The following KDM4A variants were observed in gnomAD, a reference collection of about 807,000 sequenced individuals.
The protein encoded by KDM4A is lysine demethylase 4A.
Under a neutral mutation model 127.1 loss-of-function variants are expected in KDM4A, and 23 were observed. That is an observed-to-expected ratio of 0.18 (90% confidence interval 0.13 to 0.26). The LOEUF (loss-of-function observed/expected upper bound fraction) is 0.26, where lower values mean the gene tolerates loss of function less well. Among genes scored for constraint, KDM4A ranks in the 10% least tolerant of loss-of-function variants. The probability of loss-of-function intolerance (pLI) is 1.00; values close to 1 mark genes in which losing one functional copy is unlikely to be tolerated. For synonymous variants in KDM4A, 443 were observed against 466.5 expected (o/e 0.95, Z 0.65); for missense variants, 890 against 1,329.1 (o/e 0.67, Z 5.14).
Position 43,665,726 on chromosome 1 carries a change from G to A in KDM4A, c.654G>A (p.Arg218=), listed in dbSNP as rs1388780586. The A allele has an allele frequency of 3.1e-6, 5 of 1,614,016 alleles. No homozygotes were observed. The highest frequency in any genetic ancestry group is 4.2e-6 in the Non-Finnish European group (5 of 1,180,026). The change falls in exon 6 of 22, where the codon CGG becomes CGA. Residue 218 remains arginine, a synonymous_variant. Transcript: ENST00000372396. ...WYSVPPEHGK[R]LERLAKGFFP... ...CTGTTCCACCTGAGCATGGAAAGCG[G>A]TTGGAACGCCTCGCCAAAGGTACTG...
chr1:43,684,452 G>A (rs775996760), intron 12 of KDM4A, among the ~76,000 whole-genome samples: 30 of 152,148 alleles, frequency 2.0e-4, no homozygotes, highest in Non-Finnish European at 3.7e-4. Flanking sequence ...GCAGTGAGCC[G>A]AGATGGTGCC....
Position 43,694,523 on chromosome 1 carries a change from A to G in KDM4A, c.2485-186A>G, listed in dbSNP as rs2154048829. ...AGAGCAAGACTCCGTCTCAAAAAAA[A>G]AAAAAAAAAAATTTCCTTGGCAGAT... On this transcript the variant is annotated intron_variant, in intron 17 of 21. Transcript: ENST00000372396. The surrounding 1 kb of genome is among the most constrained non-coding windows in gnomAD (Gnocchi z 5.2). 6.6e-6 allele frequency among the ~76,000 whole-genome samples: 1 copy of G among 152,172 alleles called. No homozygotes were observed. Among genetic ancestry groups the G allele is most frequent in the East Asian group, 1.9e-4 (1 of 5,182 alleles).
intron 3 of KDM4A, among the ~76,000 whole-genome samples, chr1:43,660,059 T>C (rs1044716730): frequency 2.0e-5 from 3 of 152,184 alleles, no homozygotes; most frequent in Non-Finnish European, 2.9e-5. Flanking sequence ...GTTGTGCTTG[T>C]TAAGGAAGAC....
chr1:43,682,145 T>C (rs779526256), intron 11 of KDM4A, among the ~76,000 whole-genome samples: 5 of 152,168 alleles, frequency 3.3e-5, no homozygotes, highest in Non-Finnish European at 5.9e-5. Flanking sequence ...TTTTTGTGTG[T>C]GGAGACGGGG....
At chr1:43,656,731 CT>C (rs769635621) in intron 3 of KDM4A, among the ~76,000 whole-genome samples, 261 of 141,194 alleles carry the variant, frequency 1.8e-3, no homozygotes, top group Admixed American at 2.1e-3. Context: ...ACTACTCCAT[CT>C]TTTTTTTTTT....
chr1:43,663,533 C>CT (rs1176711108), intron 5 of KDM4A, among the ~76,000 whole-genome samples: 1 of 152,162 alleles, frequency 6.6e-6, no homozygotes, highest in African/African-American at 2.4e-5. Context: ...ATTCAGCATG[C>CT]TTCCTGTTCT....
chr1:43,665,567 A>T, intron 5 of KDM4A, 129 bp from the exon 6 acceptor site: 2 of 734,568 alleles, frequency 2.7e-6, no homozygotes. Context: ...ATTTTTTCAG[A>T]TTCCTTTCTA....
intron 11 of KDM4A, 45 bp from the exon 12 acceptor site, chr1:43,683,639 C>T (rs770725922): frequency 1.3e-6 from 2 of 1,597,132 alleles, no homozygotes; most frequent in Admixed American, 3.4e-5. Context: ...TGTGCTGTGT[C>T]TCAAGTGGAG....
chr1:43,655,452 G>C, intron 2 of KDM4A, 139 bp from the exon 3 acceptor site: 1 of 723,916 alleles, frequency 1.4e-6, no homozygotes, highest in Non-Finnish European at 2.2e-6. Flanking sequence ...GACTTACTGT[G>C]TTTTGGTGAA....
In KDM4A at chr1:43,669,142, T is replaced by G; in HGVS notation, c.1206T>G (p.Cys402Trp). The G allele has an allele frequency of 6.2e-7, 1 of 1,614,184 alleles. No homozygotes were observed. The change falls in exon 10 of 22, where the codon TGT becomes TGG. Residue 402 changes from cysteine (C) to tryptophan (W), a missense_variant. By Grantham distance (215) the Cys-to-Trp change is radical (BLOSUM62 -2). Around this residue, in one of 7 missense-constraint regions of KDM4A, gnomAD observed 389 missense variants for 485.9 expected, o/e 0.80. Coordinates refer to ENST00000372396, the MANE Select transcript of KDM4A (RefSeq NM_014663.3). ...TAGGGACAAAGAGGCACCGAGTTTG[T>G]CTTGAAATACCACAGGAGGTGAGTC... ...HRIGTKRHRV[C>W]LEIPQEVSQS...
chr1:43,704,136 A>C, intron 21 of KDM4A, 24 bp downstream of exon 21: 1 of 1,613,104 alleles, frequency 6.2e-7, no homozygotes, highest in Non-Finnish European at 8.5e-7. Flanking sequence ...GTGTCCCCCC[A>C]GTTCCTGTCT....
chr1:43,686,334 C>CCCCACAATATCCTTTAAT, intron 12 of KDM4A, among the ~76,000 whole-genome samples: 1 of 99,524 alleles, frequency 1.0e-5, no homozygotes, highest in Middle Eastern at 8.1e-3. Flanking sequence ...CCACGCCCAG[C>CCCCACAATATCCTTTAAT]CTTTTTTTTT....
In KDM4A at chr1:43,704,335, A is replaced by G. The variant is rs1661489337; in HGVS notation, c.3160A>G (p.Ile1054Val). The part of the protein sequence containing the change: ...VINSRYREDY[I>V]EPALYRAIME ...CAACTCAAGATACCGGGAAGATTAT[A>G]TTGAGCCTGCACTATACCGGGCCAT... Residue 1054 changes from isoleucine to valine, a missense_variant, in exon 22 of 22, where the codon ATT becomes GTT. By Grantham distance (29) the Ile-to-Val change is conservative (BLOSUM62 3). Around this residue, in one of 7 missense-constraint regions of KDM4A, gnomAD observed 246 missense variants for 418.4 expected, o/e 0.59. Coordinates refer to ENST00000372396, the MANE Select transcript of KDM4A (RefSeq NM_014663.3). 1.2e-6 allele frequency: 2 copies of G among 1,613,836 alleles called. No homozygotes were observed. Among genetic ancestry groups the G allele is most frequent in the South Asian group, 1.1e-5 (1 of 91,086 alleles).
chr1:43,701,688 G>A (rs1661399629), intron 19 of KDM4A, among the ~76,000 whole-genome samples: 1 of 152,072 alleles, frequency 6.6e-6, no homozygotes, highest in African/African-American at 2.4e-5. Context: ...GGTCTCCCCT[G>A]TGTTGCCCAG....
In KDM4A at chr1:43,667,768, A is replaced by T; in HGVS notation, c.916-4A>T. On this transcript the variant is annotated splice_region_variant and splice_polypyrimidine_tract_variant and intron_variant, in intron 8 of 21. Coordinates refer to ENST00000372396, the MANE Select transcript of KDM4A (RefSeq NM_014663.3). ...CCTGGTGCTCTTCTGGTTCCTGCTG[A>T]CAGTGCTCCTGTAGAAAGGACATGG... 6.2e-7 allele frequency: 1 copy of T among 1,614,154 alleles called. No homozygotes were observed. Among genetic ancestry groups the T allele is most frequent in the Non-Finnish European group, 8.5e-7 (1 of 1,180,014 alleles).
chr1:43,678,410 A>G (rs1381124488), intron 11 of KDM4A, among the ~76,000 whole-genome samples: 3 of 152,034 alleles, frequency 2.0e-5, no homozygotes, highest in Non-Finnish European at 2.9e-5. Flanking sequence ...AGAACAGTGT[A>G]TCCAGTGCCA....
chr1:43,651,907 G>C (rs1265491345), intron 1 of KDM4A, among the ~76,000 whole-genome samples: 1 of 152,238 alleles, frequency 6.6e-6, no homozygotes, highest in African/African-American at 2.4e-5. Flanking sequence ...TCTGGGTACA[G>C]TGCAACTGAA....
rs1369149176 is a variant in KDM4A, at chr1:43,692,277, C to A, written c.2341C>A (p.Arg781=). The A allele has an allele frequency of 1.2e-6, 2 of 1,614,132 alleles. No individual in the cohort carries two copies. Among genetic ancestry groups the A allele is most frequent in the South Asian group, 2.2e-5 (2 of 91,078 alleles). Residue 781 remains arginine, a synonymous_variant, in exon 16 of 22, where the codon CGA becomes AGA. Coordinates refer to ENST00000372396, the MANE Select transcript of KDM4A (RefSeq NM_014663.3). ...GCAGGACTGCTGTTTATGCTCATTACGAGGAGGGGCCCTGCAGAGAGCAAA... is the reference window on the plus strand; with the variant it reads ...GCAGGACTGCTGTTTATGCTCATTAAGAGGAGGGGCCCTGCAGAGAGCAAA... ...LEEDCCLCSL[R]GGALQRANDD... is the part of the protein sequence containing the mutation.
chr1:43,688,947 C>G lies in KDM4A; in HGVS notation c.1889C>G (p.Ala630Gly). The change falls in exon 13 of 22, where the codon GCT becomes GGT. Residue 630 changes from alanine (A) to glycine (G), a missense_variant. Physicochemically the swap from Ala to Gly is moderately conservative, Grantham distance 60 (BLOSUM62 0). Around this residue, in one of 7 missense-constraint regions of KDM4A, gnomAD observed 389 missense variants for 485.9 expected, o/e 0.80. Coordinates refer to ENST00000372396, the MANE Select transcript of KDM4A (RefSeq NM_014663.3). This position sits in a 1 kb window ranked among gnomAD's most constrained non-coding sequence, Gnocchi z 4.4. ...GAACAGCTGACCCCTGAGGAAGAGG[C>G]TGAGGAGACAGAGGCCTGGGCCAAG... ...TSEQLTPEEE[A>G]EETEAWAKPL... is the part of the protein sequence containing the mutation. The G allele has an allele frequency of 6.2e-7, 1 of 1,614,194 alleles. No homozygotes were observed. The highest frequency in any genetic ancestry group is 8.5e-7 in the Non-Finnish European group (1 of 1,180,026).
Sources: gnomAD v4.1 joint callset for allele counts (sites outside exome capture counted in the v4.1 genomes callset) on GRCh38, gnomAD v4.1.1 for gene constraint, gnomAD v4.1.1 regional missense constraint, Gnocchi (gnomAD v3.1) non-coding constraint, MANE v1.5 for transcripts, NCBI Gene and HGNC (gene_info 2026-07-23, HGNC 2026-07-21) for gene names.